The following CORO1C variants were observed in gnomAD, a reference collection of about 807,000 sequenced individuals.
CORO1C encodes the protein coronin 1C.
CORO1C carries 14 observed loss-of-function variants against 51.2 expected under a neutral mutation model. That is an observed-to-expected ratio of 0.27 (90% CI 0.18 to 0.43). The LOEUF is 0.43. Ranked by LOEUF, CORO1C falls within the 20% of genes least tolerant of loss-of-function variation. The probability of loss-of-function intolerance (pLI) is 1.00; values close to 1 mark genes in which losing one functional copy is unlikely to be tolerated. For missense variants in CORO1C, 417 were observed against 607.8 expected (o/e 0.69, Z 3.30); for synonymous variants, 181 against 210.5 (o/e 0.86, Z 1.21).
chr12:108,702,615 T>C (rs191334029), intron 1 of CORO1C, among the ~76,000 whole-genome samples: 2 of 152,290 alleles, frequency 1.3e-5, no homozygotes, highest in East Asian at 3.9e-4. Context: ...TGGTTCAACA[T>C]CGACAACTCA....
At position 108,647,749 on chromosome 12, in the gene CORO1C, G is replaced by A. The variant is rs117660611; in HGVS notation, c.1306-227C>T. ...TGGCAAAACAACAGTGTGTCACAGTGTCACAGTGCCACTTCTGATCCCGAA... is the reference window on the plus strand; with the variant it reads ...TGGCAAAACAACAGTGTGTCACAGTATCACAGTGCCACTTCTGATCCCGAA... On this transcript the variant is annotated intron_variant, in intron 10 of 10. Transcript: ENST00000261401. Among the ~76,000 whole-genome samples the A allele has an allele frequency of 1.8e-4, 27 of 152,318 alleles. No homozygotes were observed. The East Asian group carries it at 4.8e-3, about 27-fold the overall frequency.
At chr12:108,715,123 C>A (rs939319301) in intron 1 of CORO1C, among the ~76,000 whole-genome samples, 24 of 151,998 alleles carry the variant, frequency 1.6e-4, no homozygotes, top group African/African-American at 5.8e-4. Flanking sequence ...AATCCCAGCA[C>A]TTTGGGAGGC....
chr12:108,687,478 C>A (rs1405957889), intron 2 of CORO1C, among the ~76,000 whole-genome samples: 3 of 151,800 alleles, frequency 2.0e-5, no homozygotes, highest in Non-Finnish European at 4.4e-5. Context: ...CAGAGTAAGA[C>A]CCTGTTTCAA....
intron 1 of CORO1C, among the ~76,000 whole-genome samples, chr12:108,714,367 G>A (rs140250129): frequency 2.9e-5 from 4 of 139,460 alleles, no homozygotes; most frequent in Non-Finnish European, 6.0e-5. Flanking sequence ...CCTCCAGCCT[G>A]CAGCCTGGCA....
At chr12:108,706,601 A>ATT (rs966707785) in intron 1 of CORO1C, among the ~76,000 whole-genome samples, 2 of 148,906 alleles carry the variant, frequency 1.3e-5, no homozygotes, top group African/African-American at 2.5e-5. Context: ...TATAAAAATC[A>ATT]TTTTTTTTTT....
In CORO1C at chr12:108,654,309, T is replaced by C. The variant is rs2032828896; in HGVS notation, c.852A>G (p.Gly284=). ...DPDTSIIYLC[G]KGDSSIRYFE... ...AAACATCAAAATTACTGTTTACCTT[T>C]CCACATAAGTAAATGATGCTGGTGT... is the stretch of plus-strand genomic sequence containing the variant. The change falls in exon 7 of 11, where the codon GGA becomes GGG. Residue 284 remains glycine (G), a synonymous_variant. Transcript: ENST00000261401. The C allele has an allele frequency of 6.3e-7, 1 of 1,596,520 alleles. No homozygotes were observed. Among genetic ancestry groups the C allele is most frequent in the Non-Finnish European group, 8.6e-7 (1 of 1,164,244 alleles).
chr12:108,655,004 CTATTT>C (rs1225368851), intron 6 of CORO1C, among the ~76,000 whole-genome samples: 4 of 152,262 alleles, frequency 2.6e-5, no homozygotes, highest in African/African-American at 9.6e-5. Context: ...TGCGCCTACC[CTATTT>C]TATTTTTTTA....
rs558009243 is a variant in CORO1C at position 108,658,179 on chromosome 12, G to A, written c.630+559C>T. ...CTGATGAGAGAACTTGTTGCTTTTC[G>A]CCCTGCGCATTTATTTATTTATTTA... On this transcript the variant is annotated intron_variant, in intron 5 of 10. Transcript: ENST00000261401. This position sits in a 1 kb window ranked among gnomAD's most constrained non-coding sequence, Gnocchi z 4.9. Among the ~76,000 whole-genome samples the A allele has an allele frequency of 7.7e-4, 117 of 152,120 alleles. No individual in the cohort carries two copies. The highest frequency in any genetic ancestry group is 1.5e-3 in the Non-Finnish European group (100 of 68,022).
At position 108,658,839 on chromosome 12, in the gene CORO1C, T is replaced by C. The variant is rs998043139; in HGVS notation, c.529A>G (p.Ile177Val). 1.9e-6 allele frequency: 3 copies of C among 1,613,976 alleles called. No individual in the cohort carries two copies. Among genetic ancestry groups the C allele is most frequent in the Non-Finnish European group, 2.5e-6 (3 of 1,179,828 alleles). ...TTCCGGTTCCAGCTCACATTGTAAA[T>C]CATGTCTGAATGCATATCGTCCAAG... is the stretch of plus-strand genomic sequence containing the variant. ...INLDDMHSDM[I>V]YNVSWNRNGS... is the part of the protein sequence containing the mutation. Residue 177 changes from isoleucine (I) to valine (V), a missense_variant, in exon 5 of 11, where the codon ATT becomes GTT. Physicochemically the swap from Ile to Val is conservative, Grantham distance 29. Transcript: ENST00000261401. This position sits in a 1 kb window ranked among gnomAD's most constrained non-coding sequence, Gnocchi z 4.9.
chr12:108,724,717 G>A (rs1036399750), intron 1 of CORO1C, among the ~76,000 whole-genome samples: 1 of 152,172 alleles, frequency 6.6e-6, no homozygotes, highest in Non-Finnish European at 1.5e-5. Flanking sequence ...AAGAAGAAAT[G>A]TAGATCATTG....
chr12:108,729,110 T>C (rs1249570470), intron 1 of CORO1C, among the ~76,000 whole-genome samples: 1 of 152,220 alleles, frequency 6.6e-6, no homozygotes, highest in African/African-American at 2.4e-5. Context: ...CCCACTTATA[T>C]AACTAAGAAT....
Position 108,684,293 on chromosome 12 carries a change from A to G in CORO1C, c.196-5899T>C, listed in dbSNP as rs181399824. Among the ~76,000 whole-genome samples the G allele has an allele frequency of 2.3e-3, 346 of 152,356 alleles. 2 individuals are homozygous for G. The highest frequency in any genetic ancestry group is 7.7e-3 in the African/African-American group (322 of 41,578). The stretch of plus-strand genomic sequence containing the variant: ...GTGAAAATGTAAAAGTATAAATATA[A>G]GTGCTGACAAGGATGTCAGGAAAGA... On this transcript the variant is annotated intron_variant, in intron 2 of 10. Transcript: ENST00000261401.
intron 1 of CORO1C, among the ~76,000 whole-genome samples, chr12:108,717,951 C>T (rs548482880): frequency 1.5e-4 from 23 of 152,294 alleles, no homozygotes; most frequent in Admixed American, 5.2e-4. Context: ...GGCACAATGG[C>T]TCACACCTGT....
chr12:108,710,556 A>T (rs1314456602), intron 1 of CORO1C, among the ~76,000 whole-genome samples: 1 of 151,220 alleles, frequency 6.6e-6, no homozygotes, highest in African/African-American at 2.4e-5. Flanking sequence ...AAAAGTTAAA[A>T]TTTTTCTTTT....
chr12:108,686,356 G>T (rs777515716), intron 2 of CORO1C, among the ~76,000 whole-genome samples: 16 of 152,176 alleles, frequency 1.1e-4, no homozygotes, highest in Non-Finnish European at 2.1e-4. Flanking sequence ...AGATGTACAA[G>T]AATTAAAGCC....
intron 1 of CORO1C, among the ~76,000 whole-genome samples, chr12:108,727,880 C>T (rs750813080): frequency 6.6e-6 from 1 of 152,148 alleles, no homozygotes; most frequent in Non-Finnish European, 1.5e-5. Flanking sequence ...ACATGAACAA[C>T]TTTTATAACA....
At chr12:108,701,707 T>C (rs145441429) in intron 1 of CORO1C, 44 of 210,916 alleles carry the variant, frequency 2.1e-4, no homozygotes, top group African/African-American at 9.8e-4. Context: ...TGAAATTCTC[T>C]GGTAGAGGTG....
chr12:108,647,921 C>T (rs1297921224), intron 10 of CORO1C, among the ~76,000 whole-genome samples: 1 of 150,068 alleles, frequency 6.7e-6, no homozygotes, highest in Non-Finnish European at 1.5e-5. Flanking sequence ...AGGGGTGACT[C>T]TCCCAGAGGC....
intron 2 of CORO1C, among the ~76,000 whole-genome samples, chr12:108,694,731 C>A (rs1407863730): frequency 6.6e-6 from 1 of 152,148 alleles, no homozygotes; most frequent in Non-Finnish European, 1.5e-5. Flanking sequence ...AGGAATCCCT[C>A]AATTATTCAC....
Sources: allele counts gnomAD v4.1 joint callset (sites outside exome capture counted in the v4.1 genomes callset), GRCh38; gene constraint gnomAD v4.1.1; non-coding constraint Gnocchi (gnomAD v3.1); transcripts MANE v1.5; gene names NCBI Gene and HGNC (gene_info 2026-07-23, HGNC 2026-07-21).